NAV3: variants seen among roughly 807,000 people sequenced by gnomAD.
NAV3 encodes the protein neuron navigator 3.
NAV3 carries 87 observed loss-of-function variants against 244.7 expected under a neutral mutation model. The observed-to-expected ratio is 0.36, with a 90% CI of 0.30 to 0.42. The LOEUF (loss-of-function observed/expected upper bound fraction) is 0.42. Ranked by LOEUF, NAV3 falls within the 20% of genes least tolerant of loss-of-function variation. The pLI, the probability that NAV3 is intolerant of heterozygous loss-of-function variation, is 1.00. For missense variants in NAV3, 2,663 were observed against 2,893.3 expected (o/e 0.92, Z 1.83); for synonymous variants, 1,126 against 1,042.2 (o/e 1.08, Z -1.55).
At chr12:77,724,222 C>T (rs1009699806) in intron 2 of NAV3, among the ~76,000 whole-genome samples, 4 of 151,874 alleles carry the variant, frequency 2.6e-5, no homozygotes, top group South Asian at 4.1e-4. Flanking sequence ...TGGCTGTGAC[C>T]ATATATGTGG....
intron 12 of NAV3, among the ~76,000 whole-genome samples, chr12:78,063,525 T>C (rs1424578809): frequency 6.6e-6 from 1 of 152,160 alleles, no homozygotes; most frequent in African/African-American, 2.4e-5. Flanking sequence ...GTGCCTGTCA[T>C]CATAGTAGCA....
chr12:77,908,611 CT>C (rs1356016413), intron 1 of NAV3, among the ~76,000 whole-genome samples: 1 of 151,882 alleles, frequency 6.6e-6, no homozygotes, highest in Non-Finnish European at 1.5e-5. Context: ...GAATTTTGTA[CT>C]TTTTTTCCCA....
chr12:78,128,447 G>C (rs1418091233), intron 17 of NAV3, among the ~76,000 whole-genome samples: 2 of 151,946 alleles, frequency 1.3e-5, no homozygotes, highest in Admixed American at 1.3e-4. Flanking sequence ...TTGGCTGTCT[G>C]CTCATTGCTT....
At chr12:78,203,170 AT>A (rs1321749074) in intron 38 of NAV3, among the ~76,000 whole-genome samples, 1 of 151,778 alleles carries the variant, frequency 6.6e-6, no homozygotes, top group African/African-American at 2.4e-5. Context: ...TTGTTCAATT[AT>A]TTTTTCTACA....
At chr12:77,973,138 T>G (rs896765142) in intron 5 of NAV3, among the ~76,000 whole-genome samples, 1 of 152,222 alleles carries the variant, frequency 6.6e-6, no homozygotes, top group Non-Finnish European at 1.5e-5. Flanking sequence ...ATACATACTT[T>G]TATCTTAATT....
chr12:78,095,064 T>TACACACAC (rs56856471), intron 12 of NAV3, among the ~76,000 whole-genome samples: 7 of 137,578 alleles, frequency 5.1e-5, no homozygotes, highest in African/African-American at 1.9e-4. Flanking sequence ...TATATATATA[T>TACACACAC]ACACACACAC....
intron 2 of NAV3, among the ~76,000 whole-genome samples, chr12:77,694,884 G>T (rs1200465222): frequency 1.3e-5 from 2 of 152,202 alleles, no homozygotes; most frequent in South Asian, 2.1e-4. Context: ...ATAACATGTT[G>T]CCTGCACATG....
At chr12:78,191,191 A>T (rs1238824325) in intron 34 of NAV3, among the ~76,000 whole-genome samples, 1 of 152,170 alleles carries the variant, frequency 6.6e-6, no homozygotes, top group Admixed American at 6.6e-5. Flanking sequence ...AGCCAGGCAT[A>T]TAGCTTAATG....
intron 39 of NAV3, among the ~76,000 whole-genome samples, chr12:78,210,087 A>T (rs2140135115): frequency 6.6e-6 from 1 of 152,270 alleles, no homozygotes; most frequent in Non-Finnish European, 1.5e-5. Context: ...CGTACTTTCC[A>T]GCAACGAACC....
At chr12:77,618,899 T>C (rs1447201909) in intron 2 of NAV3, among the ~76,000 whole-genome samples, 1 of 152,236 alleles carries the variant, frequency 6.6e-6, no homozygotes, top group Non-Finnish European at 1.5e-5. Flanking sequence ...TTTCTTCTAA[T>C]ATCCAAAGGG....
intron 2 of NAV3, among the ~76,000 whole-genome samples, chr12:77,724,983 A>G (rs1207559260): frequency 6.6e-6 from 1 of 152,048 alleles, no homozygotes; most frequent in African/African-American, 2.4e-5. Context: ...AGTACATTTT[A>G]TAATCTTGTC....
At chr12:77,773,659 A>AG (rs1385303073) in intron 2 of NAV3, among the ~76,000 whole-genome samples, 1 of 152,198 alleles carries the variant, frequency 6.6e-6, no homozygotes, top group Non-Finnish European at 1.5e-5. Context: ...AGGCAAAAAA[A>AG]GAATGCTATT....
chr12:77,887,334 A>G (rs537344175), intron 1 of NAV3, among the ~76,000 whole-genome samples: 4 of 152,240 alleles, frequency 2.6e-5, no homozygotes, highest in Middle Eastern at 3.4e-3. Context: ...TTAAAACTAC[A>G]TATCTTCTGC....
At chr12:77,691,266 A>G (rs1874999672) in intron 2 of NAV3, among the ~76,000 whole-genome samples, 1 of 145,906 alleles carries the variant, frequency 6.9e-6, no homozygotes, top group African/African-American at 2.5e-5. Flanking sequence ...TCAAATTTTT[A>G]TAATGAATTA....
chr12:77,949,268 G>A (rs1462648208), intron 3 of NAV3, among the ~76,000 whole-genome samples: 1 of 151,978 alleles, frequency 6.6e-6, no homozygotes, highest in African/African-American at 2.4e-5. Flanking sequence ...CTAGTGCTGT[G>A]CTAGGTGTTT....
chr12:78,029,660 C>A (rs1405622737), intron 9 of NAV3, among the ~76,000 whole-genome samples: 2 of 152,084 alleles, frequency 1.3e-5, no homozygotes, highest in African/African-American at 2.4e-5. Flanking sequence ...ACCTTTTAAT[C>A]CAAATACAGC....
At chr12:77,650,367 C>T (rs903032629) in intron 2 of NAV3, among the ~76,000 whole-genome samples, 14 of 152,038 alleles carry the variant, frequency 9.2e-5, no homozygotes, top group African/African-American at 2.7e-4. Flanking sequence ...GTATTTAAGC[C>T]GAATCTTGGT....
chr12:78,145,510 T>G (rs930933234), intron 20 of NAV3, among the ~76,000 whole-genome samples: 1 of 152,334 alleles, frequency 6.6e-6, no homozygotes, highest in South Asian at 2.1e-4. Context: ...TAAGCAGACT[T>G]GTACTATTCA....
At chr12:77,831,730 C>A in intron 1 of NAV3, 26 bp downstream of exon 1, 1 of 1,565,522 alleles carries the variant, frequency 6.4e-7, no homozygotes, top group Non-Finnish European at 8.6e-7. Flanking sequence ...TACCTGCAGA[C>A]TTGTGTAGCT....
Sources: allele counts gnomAD v4.1 joint callset (sites outside exome capture counted in the v4.1 genomes callset), GRCh38; gene constraint gnomAD v4.1.1; transcripts MANE v1.5; gene names NCBI Gene and HGNC (gene_info 2026-07-23, HGNC 2026-07-21).